Variants in MEIS2 observed in about 807,000 individuals in gnomAD.
MEIS2 encodes the protein homeobox protein Meis2.
Under a neutral mutation model 58.6 loss-of-function variants are expected in MEIS2, and 9 were observed. That is an observed-to-expected ratio of 0.15 (90% CI 0.09 to 0.27). MEIS2 has a LOEUF of 0.27. MEIS2 is among the 10% of genes least tolerant of loss of function. The pLI is 1.00. For missense variants in MEIS2, 427 were observed against 635.0 expected (o/e 0.67, Z 3.52); for synonymous variants, 221 against 228.4 (o/e 0.97, Z 0.29).
At chr15:37,063,739 G>C (rs1029572134) in intron 7 of MEIS2, among the ~76,000 whole-genome samples, 1 of 152,138 alleles carries the variant, frequency 6.6e-6, no homozygotes, top group Non-Finnish European at 1.5e-5. Flanking sequence ...CTAGTATCTG[G>C]AAAGATGGTG....
intron 8 of MEIS2, among the ~76,000 whole-genome samples, chr15:36,975,447 G>A (rs189124060): frequency 1.2e-4 from 17 of 145,084 alleles, no homozygotes; most frequent in African/African-American, 3.6e-4. Context: ...AAGGCCAGGC[G>A]GTGGGTTTAT....
Position 36,892,420 on chromosome 15 carries a change from C to T in MEIS2, c.1187G>A (p.Gly396Asp), listed in dbSNP as rs560301639. 208 of 1,613,638 alleles carry T rather than the reference C, an allele frequency of 1.3e-4. No individual in the cohort carries two copies. The South Asian group carries it at 2.2e-3, about 17-fold the overall frequency. The change falls in exon 12 of 12, where the codon GGT becomes GAT. Residue 396 changes from glycine to aspartate, a missense_variant. Transcript: ENST00000561208. ...CTGTGCCATACTCATTCCCATAGGA[C>T]CACCCTGAGAAACGTAGTCCCCTGG... is the stretch of plus-strand genomic sequence containing the variant. ...SMPGDYVSQG[G>D]PMGMSMAQPS...
intron 7 of MEIS2, among the ~76,000 whole-genome samples, chr15:37,070,081 T>C (rs528945080): frequency 1.1e-4 from 16 of 152,320 alleles, no homozygotes; most frequent in Admixed American, 5.9e-4. Context: ...TCCTCATTTA[T>C]ACATTTTAGA....
At chr15:37,059,936 A>T (rs1201526094) in intron 7 of MEIS2, among the ~76,000 whole-genome samples, 1 of 151,982 alleles carries the variant, frequency 6.6e-6, no homozygotes, top group Non-Finnish European at 1.5e-5. Flanking sequence ...CAAAAAAAAA[A>T]ATTCTTTTTT....
chr15:36,935,779 C>T (rs1475165338), intron 9 of MEIS2, among the ~76,000 whole-genome samples: 1 of 151,762 alleles, frequency 6.6e-6, no homozygotes, highest in Non-Finnish European at 1.5e-5. Flanking sequence ...TCATTTTCCC[C>T]CTCTGTATCT....
intron 8 of MEIS2, among the ~76,000 whole-genome samples, chr15:37,020,360 A>T (rs2061483887): frequency 6.6e-6 from 1 of 152,178 alleles, no homozygotes; most frequent in Non-Finnish European, 1.5e-5. Flanking sequence ...AAAATCCTGA[A>T]AATACACAAG....
At chr15:36,999,008 G>A (rs998570821) in intron 8 of MEIS2, among the ~76,000 whole-genome samples, 11 of 152,264 alleles carry the variant, frequency 7.2e-5, no homozygotes, top group Middle Eastern at 3.4e-3. Context: ...CATTTAACAC[G>A]TTGGCTCTTT....
intron 7 of MEIS2, among the ~76,000 whole-genome samples, chr15:37,061,024 G>A (rs1596043067): frequency 6.6e-6 from 1 of 152,164 alleles, no homozygotes; most frequent in African/African-American, 2.4e-5. Context: ...ACATGATGCA[G>A]TTAGTAATTT....
In MEIS2 at chr15:36,960,030, G is replaced by C. The variant is rs554229060; in HGVS notation, c.901-9630C>G. Among the ~76,000 whole-genome samples the C allele has an allele frequency of 2.6e-5, 4 of 151,910 alleles. No homozygotes were observed. In the South Asian group the frequency reaches 8.3e-4, roughly 32 times the overall value. On this transcript the variant is annotated intron_variant, in intron 8 of 11. Transcript: ENST00000561208. Reference sequence around the variant, plus strand: ...TTAGTAACAGGAAAAAAAAGTCTAGGTGAAAAAAATCTGGGGCAAATATTA... The same window carrying C: ...TTAGTAACAGGAAAAAAAAGTCTAGCTGAAAAAAATCTGGGGCAAATATTA...
chr15:37,070,491 C>T (rs948006940), intron 7 of MEIS2, among the ~76,000 whole-genome samples: 4 of 152,190 alleles, frequency 2.6e-5, no homozygotes, highest in Non-Finnish European at 5.9e-5. Flanking sequence ...TGTCTCTCCA[C>T]ACTTTGCAGA....
chr15:37,063,152 C>A (rs1889454192), intron 7 of MEIS2, among the ~76,000 whole-genome samples: 1 of 152,164 alleles, frequency 6.6e-6, no homozygotes, highest in Non-Finnish European at 1.5e-5. Flanking sequence ...AATGAGGGAA[C>A]ATCTCTAGCC....
intron 8 of MEIS2, among the ~76,000 whole-genome samples, chr15:37,000,704 A>G (rs2060691463): frequency 6.6e-6 from 1 of 152,026 alleles, no homozygotes; most frequent in Non-Finnish European, 1.5e-5. Flanking sequence ...CAATTTGCCC[A>G]TATTCTCCCA....
At chr15:36,936,884 T>A (rs1233349378) in intron 9 of MEIS2, among the ~76,000 whole-genome samples, 3 of 152,198 alleles carry the variant, frequency 2.0e-5, no homozygotes, top group Non-Finnish European at 4.4e-5. Context: ...TTCAAACTCA[T>A]TAAAAAGCAT....
intron 8 of MEIS2, among the ~76,000 whole-genome samples, chr15:36,988,879 T>C (rs2060178833): frequency 6.6e-6 from 1 of 152,160 alleles, no homozygotes; most frequent in African/African-American, 2.4e-5. Flanking sequence ...TATTACTAGA[T>C]CATCTTATCC....
intron 9 of MEIS2, among the ~76,000 whole-genome samples, chr15:36,938,192 G>A (rs2058244926): frequency 6.6e-6 from 1 of 152,040 alleles, no homozygotes; most frequent in Non-Finnish European, 1.5e-5. Context: ...TGTCACCAAA[G>A]CCTCCTCTCT....
At chr15:36,995,719 A>AAAAAAAAC (rs2060456736) in intron 8 of MEIS2, among the ~76,000 whole-genome samples, 1 of 46,554 alleles carries the variant, frequency 2.1e-5, no homozygotes, top group South Asian at 1.1e-3. Flanking sequence ...AAAAAAAAAA[A>AAAAAAAAC]AAAAAAAAAA....
intron 8 of MEIS2, among the ~76,000 whole-genome samples, chr15:36,976,328 C>T (rs770432806): frequency 6.6e-6 from 1 of 152,022 alleles, no homozygotes; most frequent in Non-Finnish European, 1.5e-5. Context: ...TTGTGATTCA[C>T]CCGCCTTGGC....
chr15:36,947,194 A>G (rs1441210944), intron 9 of MEIS2, among the ~76,000 whole-genome samples: 1 of 151,986 alleles, frequency 6.6e-6, no homozygotes, highest in Non-Finnish European at 1.5e-5. Context: ...TAACTGTAGG[A>G]AAAAATGACT....
At position 36,918,734 on chromosome 15, in the gene MEIS2, G is replaced by A. The variant is rs77831815; in HGVS notation, c.978-22048C>T. ...TTCCTTGAAGGATTCTGACAGGAGG[G>A]AATGGGAAGGACAGAAGGAGAGAGA... On this transcript the variant is annotated intron_variant, in intron 9 of 11. Coordinates refer to ENST00000561208, the MANE Select transcript of MEIS2 (RefSeq NM_170675.5). 6.2e-3 allele frequency among the ~76,000 whole-genome samples: 941 copies of A among 152,234 alleles called. 10 individuals are homozygous for A. Among genetic ancestry groups the A allele is most frequent in the African/African-American group, 0.022 (907 of 41,520 alleles).
Sources: gnomAD v4.1 joint callset for allele counts (sites outside exome capture counted in the v4.1 genomes callset) on GRCh38, gnomAD v4.1.1 for gene constraint, MANE v1.5 for transcripts, NCBI Gene and HGNC (gene_info 2026-07-23, HGNC 2026-07-21) for gene names.